The following KIAA0319 variants were observed in gnomAD, a reference collection of about 807,000 sequenced individuals.
KIAA0319 encodes the protein KIAA0319, also known as dyslexia-associated protein KIAA0319.
Under a neutral mutation model 108.4 loss-of-function variants are expected in KIAA0319, and 83 were observed. That is an observed-to-expected ratio of 0.77 (90% confidence interval 0.64 to 0.92). The LOEUF is 0.92. Among genes scored for constraint, KIAA0319 ranks in the 40% least tolerant of loss-of-function variants. The pLI is 0.00. For synonymous variants in KIAA0319, 484 were observed against 510.4 expected (o/e 0.95, Z 0.70); for missense variants, 1,195 against 1,322.4 (o/e 0.90, Z 1.49).
rs1221775328 is a variant in KIAA0319, at chr6:24,578,213, AACTC to A, written c.1398_1401del (p.Ser467IlefsTer6). The A allele has an allele frequency of 1.2e-6, 2 of 1,605,092 alleles. No homozygotes were observed. Among genetic ancestry groups the A allele is most frequent in the Non-Finnish European group, 1.7e-6 (2 of 1,172,132 alleles). On this transcript the variant is annotated frameshift_variant, in exon 9 of 21. Coordinates refer to ENST00000378214, the MANE Select transcript of KIAA0319 (RefSeq NM_014809.4). LOFTEE classifies it high-confidence loss of function. ...GGCCCGTTTATTTCTTCCCAATGAT[AACTC>A]ACTATTTCAGTATCATCTGTACTTT...
intron 17 of KIAA0319, among the ~76,000 whole-genome samples, chr6:24,557,142 T>G (rs1217281774): frequency 1.3e-5 from 2 of 151,898 alleles, no homozygotes; most frequent in Non-Finnish European, 2.9e-5. Flanking sequence ...GAGTTGGAGG[T>G]TGCAGTGAGC....
chr6:24,628,235 G>A (rs1230980786), intron 1 of KIAA0319, among the ~76,000 whole-genome samples: 1 of 152,106 alleles, frequency 6.6e-6, no homozygotes, highest in East Asian at 1.9e-4. Context: ...GTAAGTACTG[G>A]TTAGAAATGT....
chr6:24,584,048 G>A (rs766586701), intron 4 of KIAA0319, among the ~76,000 whole-genome samples: 4 of 152,046 alleles, frequency 2.6e-5, no homozygotes, highest in African/African-American at 4.8e-5. Flanking sequence ...TTTTCTTGAC[G>A]CCCTGGTGTG....
intron 11 of KIAA0319, among the ~76,000 whole-genome samples, chr6:24,570,957 G>A (rs1386950684): frequency 3.3e-5 from 5 of 151,976 alleles, no homozygotes; most frequent in East Asian, 3.9e-4. Context: ...TTGGGAGGCC[G>A]AGGCAGGGGA....
intron 1 of KIAA0319, among the ~76,000 whole-genome samples, chr6:24,632,502 A>G (rs1288771925): frequency 6.6e-6 from 1 of 152,226 alleles, no homozygotes; most frequent in East Asian, 1.9e-4. Flanking sequence ...TCTCTCGCCA[A>G]AGCAGTTGAT....
At chr6:24,623,852 T>C (rs923245952) in intron 1 of KIAA0319, among the ~76,000 whole-genome samples, 5 of 152,122 alleles carry the variant, frequency 3.3e-5, no homozygotes, top group Non-Finnish European at 5.9e-5. Flanking sequence ...TTATCCAAAT[T>C]GATCATTATA....
intron 3 of KIAA0319, among the ~76,000 whole-genome samples, chr6:24,590,278 A>G (rs1582101908): frequency 6.6e-6 from 1 of 151,864 alleles, no homozygotes; most frequent in East Asian, 1.9e-4. Context: ...ACCTGCAACT[A>G]AATTTTCAGA....
At chr6:24,573,639 C>T (rs1280127390) in intron 10 of KIAA0319, among the ~76,000 whole-genome samples, 1 of 152,076 alleles carries the variant, frequency 6.6e-6, no homozygotes, top group Non-Finnish European at 1.5e-5. Flanking sequence ...CTTACACAGA[C>T]ACATGGAAAA....
At chr6:24,643,218 C>T (rs1348240867) in intron 1 of KIAA0319, among the ~76,000 whole-genome samples, 1 of 152,110 alleles carries the variant, frequency 6.6e-6, no homozygotes, top group Non-Finnish European at 1.5e-5. Flanking sequence ...TACTCTGGCT[C>T]AACCATTTTT....
chr6:24,556,348 T>C (rs146411262), intron 18 of KIAA0319, among the ~76,000 whole-genome samples: 174 of 152,180 alleles, frequency 1.1e-3, no homozygotes, highest in African/African-American at 2.1e-3. Flanking sequence ...ACTCAGTTAA[T>C]TTTTTAAGAA....
rs760695937 is a variant in KIAA0319 at position 24,596,422 on chromosome 6, G to A, written c.252C>T (p.His84=). 2 of 1,614,096 alleles carry A rather than the reference G, an allele frequency of 1.2e-6. No individual in the cohort carries two copies. Among genetic ancestry groups the A allele is most frequent in the African/African-American group, 2.7e-5 (2 of 74,934 alleles). ...TCTTCTTGGGCTCACAGTTCTCTTT[G>A]TGGGGGCAGCTCACCAGGTAGCAGC... ...EGRCYLVSCP[H]KENCEPKKMG... is the part of the protein sequence containing the mutation. Residue 84 remains histidine (H), a synonymous_variant, in exon 3 of 21, where the codon CAC becomes CAT. Transcript: ENST00000378214.
In KIAA0319 at chr6:24,599,486, GATC is replaced by G; in HGVS notation, c.55+1560_55+1562del. 3.6e-6 allele frequency: 2 copies of G among 563,200 alleles called. No individual in the cohort carries two copies. Among genetic ancestry groups the G allele is most frequent in the Non-Finnish European group, 6.8e-6 (2 of 293,364 alleles). 34.9% of individuals were successfully genotyped at this position (563,200 alleles called of 1,614,324 possible). On this transcript the variant is annotated intron_variant, in intron 2 of 20. Transcript: ENST00000378214. This position sits in a 1 kb window ranked among gnomAD's most constrained non-coding sequence, Gnocchi z 4.1. Reference sequence around the variant, plus strand: ...AGCTGCATGAGTACCAGGAGCTGATGATCATCAAGCCAACCCTGGACATCGAGA... The same window carrying G: ...AGCTGCATGAGTACCAGGAGCTGATGATCAAGCCAACCCTGGACATCGAGA...
chr6:24,565,127 C>T (rs1397906861), intron 14 of KIAA0319, among the ~76,000 whole-genome samples: 1 of 152,002 alleles, frequency 6.6e-6, no homozygotes, highest in Non-Finnish European at 1.5e-5. Flanking sequence ...GTGGTGGGCA[C>T]CTGCAGTCCC....
rs1561891990 is a variant in KIAA0319, at chr6:24,545,650, C to G, written c.*1515G>C. On this transcript the variant is annotated 3_prime_UTR_variant, in exon 21 of 21. Transcript: ENST00000378214. ...AAATAAAATGACACACTTTTTAGTTCTGCCTTTCCCCAGTAAATTACAATA... is the reference window on the plus strand; with the variant it reads ...AAATAAAATGACACACTTTTTAGTTGTGCCTTTCCCCAGTAAATTACAATA... 1 of 152,144 alleles carries G rather than the reference C, an allele frequency of 6.6e-6. No individual in the cohort carries two copies. The highest frequency in any genetic ancestry group is 1.9e-4 in the East Asian group (1 of 5,200). The allele number at this position is 152,144 out of a possible 1,614,324, so 9.4% of individuals were successfully genotyped here.
At chr6:24,631,367 A>C (rs186081930) in intron 1 of KIAA0319, among the ~76,000 whole-genome samples, 40 of 152,218 alleles carry the variant, frequency 2.6e-4, no homozygotes, top group African/African-American at 9.4e-4. Context: ...ACTCATTGGG[A>C]GGGTCAACTT....
intron 19 of KIAA0319, 132 bp from the exon 20 acceptor site, chr6:24,551,657 G>A (rs1761532401): frequency 4.7e-6 from 3 of 644,784 alleles, no homozygotes. Flanking sequence ...TTTTATTAAA[G>A]AAACATACAC....
intron 1 of KIAA0319, among the ~76,000 whole-genome samples, chr6:24,606,366 C>G (rs1185543821): frequency 6.6e-6 from 1 of 152,160 alleles, no homozygotes; most frequent in Admixed American, 6.5e-5. Context: ...GAATTCTTTC[C>G]CTTCTTTGGG....
chr6:24,614,783 A>G (rs1029694077), intron 1 of KIAA0319, among the ~76,000 whole-genome samples: 6 of 152,144 alleles, frequency 3.9e-5, no homozygotes, highest in Non-Finnish European at 2.9e-5. Context: ...TAGAGAATCC[A>G]AGCAGTTAGG....
rs747223701 is a variant in KIAA0319 at position 24,547,158 on chromosome 6, T to A, written c.*7A>T. ...GGGGTCCTTCCACTTTACAATGAACTGCGCCATTATCTGTCCTTTGAGCAA... is the reference window on the plus strand; with the variant it reads ...GGGGTCCTTCCACTTTACAATGAACAGCGCCATTATCTGTCCTTTGAGCAA... On this transcript the variant is annotated 3_prime_UTR_variant, in exon 21 of 21. Coordinates refer to ENST00000378214, the MANE Select transcript of KIAA0319 (RefSeq NM_014809.4). The A allele has an allele frequency of 6.2e-7, 1 of 1,614,038 alleles. No individual in the cohort carries two copies. Among genetic ancestry groups the A allele is most frequent in the South Asian group, 1.1e-5 (1 of 91,082 alleles).
Sources: gnomAD v4.1 joint callset for allele counts (sites outside exome capture counted in the v4.1 genomes callset) on GRCh38, gnomAD v4.1.1 for gene constraint, Gnocchi (gnomAD v3.1) non-coding constraint, MANE v1.5 for transcripts, NCBI Gene and HGNC (gene_info 2026-07-23, HGNC 2026-07-21) for gene names.